Variants in SCN2A observed in about 807,000 individuals in gnomAD.
SCN2A encodes the protein sodium channel protein type 2 subunit alpha.
A neutral mutation model predicts 188.7 loss-of-function variants in SCN2A; 20 were observed. The observed-to-expected ratio is 0.11, with a 90% CI of 0.07 to 0.15. SCN2A has a LOEUF of 0.15. Ranked by LOEUF, SCN2A falls within the 10% of genes least tolerant of loss-of-function variation. SCN2A has a pLI of 1.00. For synonymous variants in SCN2A, 804 were observed against 833.1 expected, an observed-to-expected ratio of 0.97 and a Z score of 0.60; for missense variants, 1,278 against 2,445.0, an observed-to-expected ratio of 0.52 and a Z score of 10.07.
chr2:165,371,478 TCTTTA>T (rs894130176), intron 20 of SCN2A: 134 of 152,290 alleles, frequency 8.8e-4, no homozygotes, highest in African/African-American at 3.0e-3. Context: ...AAGTGCCACC[TCTTTA>T]CTTGAGGAAG....
intron 15 of SCN2A, among the ~76,000 whole-genome samples, chr2:165,342,935 C>A (rs766767404): frequency 2.7e-5 from 4 of 148,382 alleles, no homozygotes; most frequent in Non-Finnish European, 4.5e-5. Context: ...GAAGGATAAG[C>A]AAACAGAGCT....
chr2:165,372,901 C>CT (rs1395651293), intron 20 of SCN2A: 8 of 263,460 alleles, frequency 3.0e-5, no homozygotes, highest in South Asian at 9.4e-5. Flanking sequence ...ATTTCTCTCT[C>CT]TTTTTTTTCT....
At chr2:165,298,988 C>G (rs779167172) in intron 3 of SCN2A, among the ~76,000 whole-genome samples, 3 of 151,936 alleles carry the variant, frequency 2.0e-5, no homozygotes, top group African/African-American at 4.8e-5. Context: ...TGTCGTGCAT[C>G]TGAATGATGA....
rs1387767811 is a variant in SCN2A at position 165,357,467 on chromosome 2, T to C, written c.3399+2796T>C. 5.3e-5 allele frequency among the ~76,000 whole-genome samples: 8 copies of C among 152,178 alleles called. No individual in the cohort carries two copies. The East Asian group carries it at 1.3e-3, about 26-fold the overall frequency. On this transcript the variant is annotated intron_variant, in intron 17 of 26. Transcript: ENST00000375437. ...TTTTTATAAGGCAGACTGAGTGGAC[T>C]CAGAGGTTTTTTAGGTGTTCACAGT... is the stretch of plus-strand genomic sequence containing the variant.
chr2:165,293,861 C>T (rs568737155), intron 1 of SCN2A: 1 of 985,014 alleles, frequency 1.0e-6, no homozygotes, highest in Non-Finnish European at 1.2e-6. Context: ...TGTGTGTACG[C>T]TGTGAAGGTG....
intron 11 of SCN2A, among the ~76,000 whole-genome samples, chr2:165,322,584 A>G (rs1231909862): frequency 1.3e-5 from 2 of 152,232 alleles, no homozygotes; most frequent in Non-Finnish European, 2.9e-5. Flanking sequence ...TAATTTATTC[A>G]TGAAGACCAT....
intron 14 of SCN2A, among the ~76,000 whole-genome samples, chr2:165,338,523 G>A (rs887123314): frequency 1.3e-5 from 2 of 152,034 alleles, no homozygotes; most frequent in South Asian, 4.1e-4. Context: ...GCCTCCCAAA[G>A]TGCTGGGATT....
chr2:165,255,891 C>T (rs562427978), intron 1 of SCN2A, among the ~76,000 whole-genome samples: 1 of 151,506 alleles, frequency 6.6e-6, no homozygotes, highest in Non-Finnish European at 1.5e-5. Flanking sequence ...CCCCGCCCAC[C>T]CCCCTTGGAA....
At chr2:165,322,905 A>G (rs1170733544) in intron 11 of SCN2A, among the ~76,000 whole-genome samples, 1 of 152,218 alleles carries the variant, frequency 6.6e-6, no homozygotes, top group East Asian at 1.9e-4. Flanking sequence ...TGGGTAAAGT[A>G]GGAGAAAAGA....
intron 1 of SCN2A, among the ~76,000 whole-genome samples, chr2:165,247,035 C>T (rs992168438): frequency 3.9e-5 from 6 of 152,090 alleles, no homozygotes; most frequent in Non-Finnish European, 8.8e-5. Context: ...TGCCTTCCTA[C>T]CAGGTTCTGC....
At chr2:165,296,880 A>G (rs2106150776) in intron 2 of SCN2A, 137 bp from the exon 3 acceptor site, 2 of 547,336 alleles carry the variant, frequency 3.7e-6, no homozygotes, top group South Asian at 6.1e-5. Context: ...ATCTATCTTC[A>G]TGTCATATGA....
chr2:165,363,057 T>C (rs1175345810), intron 17 of SCN2A, among the ~76,000 whole-genome samples: 1 of 152,152 alleles, frequency 6.6e-6, no homozygotes, highest in Non-Finnish European at 1.5e-5. Flanking sequence ...AGGAATCCTA[T>C]GTAAACTTTT....
At chr2:165,274,400 T>C (rs930963977) in intron 1 of SCN2A, 4 of 149,610 alleles carry the variant, frequency 2.7e-5, no homozygotes, top group Non-Finnish European at 5.9e-5. Flanking sequence ...AAAACTCCAG[T>C]GGTCAAGAGA....
Position 165,307,837 on chromosome 2 carries a change from C to T in SCN2A, c.387-11C>T, listed in dbSNP as rs377040572. ...TTCCATTGAACTTTGTCTTCCTTGACGATATTCTACTTTATTCAATATGCT... is the reference window on the plus strand; with the variant it reads ...TTCCATTGAACTTTGTCTTCCTTGATGATATTCTACTTTATTCAATATGCT... On this transcript the variant is annotated splice_polypyrimidine_tract_variant and intron_variant, in intron 3 of 26. Coordinates refer to ENST00000375437, the MANE Select transcript of SCN2A (RefSeq NM_001040142.2). 2.5e-5 allele frequency: 39 copies of T among 1,583,572 alleles called. No homozygotes were observed. The highest frequency in any genetic ancestry group is 1.1e-4 in the South Asian group (10 of 90,468).
At chr2:165,271,099 G>T (rs893711821) in intron 1 of SCN2A, 4 of 152,116 alleles carry the variant, frequency 2.6e-5, no homozygotes, top group East Asian at 3.8e-4. Context: ...TGTTACCACA[G>T]ATAAATCGGG....
intron 17 of SCN2A, among the ~76,000 whole-genome samples, chr2:165,359,324 G>A (rs550848233): frequency 6.6e-6 from 1 of 152,168 alleles, no homozygotes; most frequent in South Asian, 2.1e-4. Context: ...GGCACTTTCG[G>A]ATAATAGCTT....
intron 1 of SCN2A, among the ~76,000 whole-genome samples, chr2:165,259,410 T>C (rs1034968911): frequency 2.6e-5 from 4 of 152,248 alleles, no homozygotes; most frequent in African/African-American, 4.8e-5. Flanking sequence ...GCAATCCTGT[T>C]TGATAGCATT....
intron 1 of SCN2A, 136 bp from the exon 2 acceptor site, chr2:165,295,637 C>A (rs79293169): frequency 2.5e-6 from 2 of 799,122 alleles, no homozygotes; most frequent in Admixed American, 2.5e-5. Flanking sequence ...TCCCTGAATA[C>A]CAAATACAGC....
At chr2:165,266,333 T>C (rs1395555511) in intron 1 of SCN2A, 1 of 152,094 alleles carries the variant, frequency 6.6e-6, no homozygotes, top group Non-Finnish European at 1.5e-5. Flanking sequence ...TTCTTAATTT[T>C]AGTCTTCTTC....
Sources: gnomAD v4.1 joint callset for allele counts (sites outside exome capture counted in the v4.1 genomes callset) on GRCh38, gnomAD v4.1.1 for gene constraint, MANE v1.5 for transcripts, NCBI Gene and HGNC (gene_info 2026-07-23, HGNC 2026-07-21) for gene names.